Variants in HSDL1 observed in about 807,000 individuals in gnomAD.
HSDL1 encodes inactive hydroxysteroid dehydrogenase-like protein 1.
In HSDL1, 29 loss-of-function variants were observed where a neutral mutation model predicts 31.5. The observed-to-expected ratio is 0.92, with a 90% confidence interval of 0.69 to 1.26. The LOEUF is 1.26. Ranked by LOEUF, HSDL1 falls within the 50% of genes most tolerant of loss-of-function variation. The pLI is 0.00. For missense variants in HSDL1, 503 were observed against 416.6 expected (o/e 1.21, Z -1.81); for synonymous variants, 222 against 155.2 (o/e 1.43, Z -3.20).
At chr16:84,126,724 A>ACACACC (rs2086610139) in intron 5 of HSDL1, among the ~76,000 whole-genome samples, 1 of 138,992 alleles carries the variant, frequency 7.2e-6, no homozygotes, top group Non-Finnish European at 1.6e-5. Context: ...TCCAGGGAGG[A>ACACACC]CACACCCACA....
Position 84,122,989 on chromosome 16 carries a change from A to G in HSDL1, c.*1641T>C, listed in dbSNP as rs2086569758. On this transcript the variant is annotated 3_prime_UTR_variant, in exon 6 of 6. Transcript: ENST00000219439. ...TATAACTACCTGACCATATTTTCAC[A>G]TGAAGTTGCTGCTGCTTATTATACA... 1 of 152,230 alleles carries G rather than the reference A, an allele frequency of 6.6e-6. No homozygotes were observed. The highest frequency in any genetic ancestry group is 2.4e-5 in the African/African-American group (1 of 41,462). 9.4% of individuals were successfully genotyped at this position (152,230 alleles called of 1,614,324 possible).
intron 3 of HSDL1, chr16:84,130,898 T>A: frequency 1.7e-6 from 1 of 577,636 alleles, no homozygotes; most frequent in Admixed American, 3.1e-5. Flanking sequence ...GAGAGCAGAA[T>A]AGGAAGGATA....
At chr16:84,142,429 TC>T in intron 1 of HSDL1, among the ~76,000 whole-genome samples, 3 of 88,550 alleles carry the variant, frequency 3.4e-5, no homozygotes, top group African/African-American at 7.3e-5. Flanking sequence ...ATCTCACACA[TC>T]TTTTTTTTTT....
intron 5 of HSDL1, 93 bp downstream of exon 5, chr16:84,129,455 T>C: frequency 1.1e-6 from 1 of 922,512 alleles, no homozygotes; most frequent in South Asian, 1.6e-5. Context: ...GAATTTACAA[T>C]TCTCATCTTA....
chr16:84,135,199 C>G (rs545597132), intron 2 of HSDL1, among the ~76,000 whole-genome samples: 2 of 151,406 alleles, frequency 1.3e-5, no homozygotes, highest in East Asian at 3.9e-4. Flanking sequence ...CGCCACTGCA[C>G]TCCAGCCTGG....
chr16:84,142,062 G>A (rs2086773955), intron 1 of HSDL1, among the ~76,000 whole-genome samples: 1 of 152,058 alleles, frequency 6.6e-6, no homozygotes, highest in Admixed American at 6.5e-5. Context: ...CAAGTAGCTG[G>A]GACACAGGCA....
At position 84,130,072 on chromosome 16, in the gene HSDL1, C is replaced by CCA; in HGVS notation, c.578_579dup (p.Glu194TrpfsTer33). Reference sequence around the variant, plus strand: ...GTGACGATGGCACCTTTCTTTCTCTCCACCATTCCCGGTAACACAACATGG... The same window carrying CCA: ...GTGACGATGGCACCTTTCTTTCTCTCCACACCATTCCCGGTAACACAACATGG... On this transcript the variant is annotated frameshift_variant, in exon 4 of 6. Transcript: ENST00000219439. LOFTEE classifies it high-confidence loss of function. 1 of 1,614,160 alleles carries CCA rather than the reference C, an allele frequency of 6.2e-7. No individual in the cohort carries two copies. The highest frequency in any genetic ancestry group is 8.5e-7 in the Non-Finnish European group (1 of 1,180,042).
At chr16:84,132,638 G>T (rs907579418) in intron 2 of HSDL1, among the ~76,000 whole-genome samples, 4 of 152,134 alleles carry the variant, frequency 2.6e-5, no homozygotes, top group African/African-American at 9.7e-5. Flanking sequence ...AGGTGAAGAC[G>T]CAGACATTTA....
intron 5 of HSDL1, among the ~76,000 whole-genome samples, chr16:84,126,935 A>C (rs2086613499): frequency 6.6e-6 from 1 of 152,216 alleles, no homozygotes; most frequent in South Asian, 2.1e-4. Flanking sequence ...ACAGAAAACT[A>C]CTCCAGGAAT....
Position 84,129,530 on chromosome 16 carries a change from C to G in HSDL1, c.894+18G>C. 1 of 1,558,814 alleles carries G rather than the reference C, an allele frequency of 6.4e-7. No individual in the cohort carries two copies. The highest frequency in any genetic ancestry group is 8.9e-7 in the Non-Finnish European group (1 of 1,129,478). On this transcript the variant is annotated intron_variant, in intron 5 of 5. Transcript: ENST00000219439. Reference sequence around the variant, plus strand: ...ATGATGCATTAATCTAATTATGAGACCTGAAGCACACTCCTACCTGAATAG... The same window carrying G: ...ATGATGCATTAATCTAATTATGAGAGCTGAAGCACACTCCTACCTGAATAG...
intron 1 of HSDL1, among the ~76,000 whole-genome samples, chr16:84,142,417 G>C (rs950172287): frequency 2.0e-5 from 3 of 149,544 alleles, no homozygotes; most frequent in Non-Finnish European, 4.4e-5. Context: ...TGTGAGGCTG[G>C]GATCTCACAC....
intron 5 of HSDL1, among the ~76,000 whole-genome samples, chr16:84,127,160 C>G (rs2086616429): frequency 6.7e-6 from 1 of 149,000 alleles, no homozygotes; most frequent in African/African-American, 2.5e-5. Context: ...CTGCTTTTCT[C>G]AAGTAATTAA....
chr16:84,143,916 T>C (rs1308474973), intron 1 of HSDL1, among the ~76,000 whole-genome samples: 1 of 150,902 alleles, frequency 6.6e-6, no homozygotes, highest in Non-Finnish European at 1.5e-5. Flanking sequence ...GGCAGGAGAA[T>C]CACTTGGGCC....
chr16:84,123,497 G>C lies in HSDL1; in HGVS notation c.*1133C>G, dbSNP rs543120793. ...GTTTCAATGTTAACGCGTATTGTGAGGGTTTGTGCATAATTATCTTCACAC... is the reference window on the plus strand; with the variant it reads ...GTTTCAATGTTAACGCGTATTGTGACGGTTTGTGCATAATTATCTTCACAC... On this transcript the variant is annotated 3_prime_UTR_variant, in exon 6 of 6. Coordinates refer to ENST00000219439, the MANE Select transcript of HSDL1 (RefSeq NM_031463.5). The C allele has an allele frequency of 6.6e-6, 1 of 152,278 alleles. No homozygotes were observed. Among genetic ancestry groups the C allele is most frequent in the African/African-American group, 2.4e-5 (1 of 41,544 alleles). 9.4% of individuals were successfully genotyped at this position (152,278 alleles called of 1,614,324 possible).
intron 2 of HSDL1, among the ~76,000 whole-genome samples, chr16:84,134,130 A>T (rs1321437523): frequency 1.3e-5 from 2 of 152,046 alleles, no homozygotes; most frequent in Admixed American, 1.3e-4. Context: ...CCTTCAGTGT[A>T]GCGAACGAGC....
rs568888382 is a variant in HSDL1, at chr16:84,124,988, TCAAA to T, written c.895-264_895-261del. ...ACCCACCAATCACAATACACACCAA[TCAAA>T]CAAATACCCACCAATCACAATACCC... On this transcript the variant is annotated intron_variant, in intron 5 of 5. Transcript: ENST00000219439. 7.3e-4 allele frequency: 127 copies of T among 173,440 alleles called. 3 individuals are homozygous for T. Among genetic ancestry groups the T allele is most frequent in the African/African-American group, 4.5e-3 (110 of 24,554 alleles). The allele number at this position is 173,440 out of a possible 1,614,324, so 10.7% of individuals were successfully genotyped here.
At chr16:84,139,500 T>G (rs2086745621) in intron 1 of HSDL1, among the ~76,000 whole-genome samples, 1 of 152,134 alleles carries the variant, frequency 6.6e-6, no homozygotes, top group African/African-American at 2.4e-5. Context: ...CCCTGGAGCC[T>G]CCAGAGGAAC....
chr16:84,139,644 G>C (rs1008480517), intron 1 of HSDL1, among the ~76,000 whole-genome samples: 1 of 152,186 alleles, frequency 6.6e-6, no homozygotes, highest in East Asian at 1.9e-4. Flanking sequence ...CAGGGGATAA[G>C]GATAAACAGT....
rs2086572239 is a variant in HSDL1 at position 84,123,244 on chromosome 16, C to G, written c.*1386G>C. ...GCAAAATTGTGTTCATAAAACTGTG[C>G]TTAGGTCTGCTTATGATAGATTATC... is the stretch of plus-strand genomic sequence containing the variant. On this transcript the variant is annotated 3_prime_UTR_variant, in exon 6 of 6. Transcript: ENST00000219439. 6.6e-6 allele frequency: 1 copy of G among 152,164 alleles called. No individual in the cohort carries two copies. Among genetic ancestry groups the G allele is most frequent in the Non-Finnish European group, 1.5e-5 (1 of 68,030 alleles). 9.4% of individuals were successfully genotyped at this position (152,164 alleles called of 1,614,324 possible). A position where few individuals can be genotyped will look rare whatever the true frequency, so the allele number is the denominator to read the frequency against.
Sources: allele counts gnomAD v4.1 joint callset (sites outside exome capture counted in the v4.1 genomes callset), GRCh38; gene constraint gnomAD v4.1.1; transcripts MANE v1.5; gene names NCBI Gene and HGNC (gene_info 2026-07-23, HGNC 2026-07-21).